The following WDR25 variants were observed in gnomAD, a reference collection of about 807,000 sequenced individuals.
WDR25 encodes the protein WD repeat-containing protein 25.
A neutral mutation model predicts 47.7 loss-of-function variants in WDR25; 35 were observed. That is an observed-to-expected ratio of 0.73 (90% CI 0.56 to 0.97). The LOEUF is 0.97. Ranked by LOEUF, WDR25 falls within the 50% of genes least tolerant of loss-of-function variation. The pLI is 0.00. For missense variants in WDR25, 634 were observed against 704.7 expected (o/e 0.90, Z 1.14); for synonymous variants, 248 against 278.9 (o/e 0.89, Z 1.10).
At chr14:100,514,029 G>A (rs538612291) in intron 4 of WDR25, among the ~76,000 whole-genome samples, 17 of 151,010 alleles carry the variant, frequency 1.1e-4, no homozygotes, top group Non-Finnish European at 1.8e-4. Flanking sequence ...TCCGCCTCCC[G>A]GGTTCACGCC....
chr14:100,423,423 C>T (rs1480569424), intron 2 of WDR25, among the ~76,000 whole-genome samples: 1 of 152,206 alleles, frequency 6.6e-6, no homozygotes, highest in African/African-American at 2.4e-5. Flanking sequence ...ATTAGTCAGA[C>T]ACACCTTATT....
chr14:100,517,271 G>A (rs945816167), intron 4 of WDR25, among the ~76,000 whole-genome samples: 4 of 151,700 alleles, frequency 2.6e-5, no homozygotes, highest in Non-Finnish European at 4.4e-5. Flanking sequence ...TAGAGATGGG[G>A]TTTCACCGTG....
In WDR25 at chr14:100,529,924, C is replaced by T. The variant is rs753602962; in HGVS notation, c.1518C>T (p.Ser506=). Residue 506 remains serine (S), a synonymous_variant, in exon 7 of 7, where the codon AGC becomes AGT. Coordinates refer to ENST00000402312, the MANE Select transcript of WDR25 (RefSeq NM_001161476.3). This position sits in a 1 kb window ranked among gnomAD's most constrained non-coding sequence, Gnocchi z 5.1. ...RVLMYSFRTA[S]RACTLQGHTQ... The stretch of plus-strand genomic sequence containing the variant: ...TGATGTACAGCTTCCGCACAGCCAG[C>T]CGAGCATGCACACTGCAGGGGCACA... 6.2e-7 allele frequency: 1 copy of T among 1,613,504 alleles called. No homozygotes were observed. The highest frequency in any genetic ancestry group is 1.7e-5 in the Admixed American group (1 of 60,032).
At chr14:100,456,002 T>G (rs534028501) in intron 2 of WDR25, among the ~76,000 whole-genome samples, 37 of 152,282 alleles carry the variant, frequency 2.4e-4, no homozygotes, top group African/African-American at 8.2e-4. Context: ...GGGGTATCTT[T>G]GATGGCATCT....
intron 2 of WDR25, among the ~76,000 whole-genome samples, chr14:100,446,286 G>A (rs1898829279): frequency 6.6e-6 from 1 of 152,178 alleles, no homozygotes; most frequent in South Asian, 2.1e-4. Flanking sequence ...TGGTCGTGGT[G>A]GCTCATGCCT....
intron 2 of WDR25, among the ~76,000 whole-genome samples, chr14:100,418,793 C>T (rs1010899415): frequency 1.3e-5 from 2 of 152,068 alleles, no homozygotes; most frequent in African/African-American, 4.8e-5. Flanking sequence ...CACGCCACAC[C>T]TACTCCGGGA....
rs571538565 is a variant in WDR25, at chr14:100,525,519, C to A, written c.1102-351C>A. On this transcript the variant is annotated intron_variant, in intron 4 of 6. Coordinates refer to ENST00000402312, the MANE Select transcript of WDR25 (RefSeq NM_001161476.3). This position sits in a 1 kb window ranked among gnomAD's most constrained non-coding sequence, Gnocchi z 4.6. ...AAGCAGGACCCACTCAAAGCATGACCCCAGTGTTGATGGATGTCAATATGC... is the reference window on the plus strand; with the variant it reads ...AAGCAGGACCCACTCAAAGCATGACACCAGTGTTGATGGATGTCAATATGC... Among the ~76,000 whole-genome samples the A allele has an allele frequency of 1.2e-4, 19 of 152,258 alleles. 2 individuals carry two copies. The highest frequency in any genetic ancestry group is 3.4e-4 in the African/African-American group (14 of 41,538).
intron 2 of WDR25, among the ~76,000 whole-genome samples, chr14:100,438,815 T>G (rs1229438942): frequency 1.3e-5 from 2 of 152,224 alleles, no homozygotes; most frequent in African/African-American, 2.4e-5. Context: ...TTCCCTATTG[T>G]ATATCTGAGG....
intron 2 of WDR25, among the ~76,000 whole-genome samples, chr14:100,441,714 G>A (rs552645823): frequency 1.8e-4 from 28 of 152,218 alleles, no homozygotes; most frequent in African/African-American, 5.5e-4. Flanking sequence ...TCCTACTTTC[G>A]CTTCTGTCAT....
chr14:100,499,900 T>C lies in WDR25; in HGVS notation c.1101+15776T>C, dbSNP rs1309002230. 6.6e-6 allele frequency among the ~76,000 whole-genome samples: 1 copy of C among 152,116 alleles called. No individual in the cohort carries two copies. Among genetic ancestry groups the C allele is most frequent in the African/African-American group, 2.4e-5 (1 of 41,412 alleles). ...CACTGCACACCTGGTGAATGTAGAATTCAGTGTTTGGAGTCAGGTGGGATA... is the reference window on the plus strand; with the variant it reads ...CACTGCACACCTGGTGAATGTAGAACTCAGTGTTTGGAGTCAGGTGGGATA... On this transcript the variant is annotated intron_variant, in intron 4 of 6. Transcript: ENST00000402312. This position sits in a 1 kb window ranked among gnomAD's most constrained non-coding sequence, Gnocchi z 4.4.
intron 2 of WDR25, among the ~76,000 whole-genome samples, chr14:100,403,611 G>A (rs185729743): frequency 6.6e-6 from 1 of 152,290 alleles, no homozygotes; most frequent in East Asian, 1.9e-4. Flanking sequence ...CACAGATACA[G>A]CAACTCTGGT....
intron 4 of WDR25, among the ~76,000 whole-genome samples, chr14:100,521,349 C>T (rs1221509199): frequency 7.2e-5 from 11 of 152,172 alleles, no homozygotes; most frequent in African/African-American, 2.4e-4. Flanking sequence ...AGGTACATTT[C>T]GAGAAATCAT....
intron 2 of WDR25, among the ~76,000 whole-genome samples, chr14:100,459,705 T>C (rs1178341555): frequency 6.6e-6 from 1 of 150,988 alleles, no homozygotes; most frequent in African/African-American, 2.4e-5. Flanking sequence ...AGGAGAGAGG[T>C]CTGGAACAGA....
rs372627481 is a variant in WDR25, at chr14:100,444,370, AG to A, written c.823-23648del. Among the ~76,000 whole-genome samples, 73 of 152,326 alleles carry A rather than the reference AG, an allele frequency of 4.8e-4. No individual in the cohort carries two copies. In the East Asian group the frequency reaches 0.013, roughly 27 times the overall value. On this transcript the variant is annotated intron_variant, in intron 2 of 6. Coordinates refer to ENST00000402312, the MANE Select transcript of WDR25 (RefSeq NM_001161476.3). Reference sequence around the variant, plus strand: ...CATCCGTGCCACTTAGTTGTGGGTCAGGGAGGCTGCTGCAGGGAACCGCAGG... The same window carrying A: ...CATCCGTGCCACTTAGTTGTGGGTCAGGAGGCTGCTGCAGGGAACCGCAGG...
chr14:100,397,679 G>T (rs1451451183), intron 2 of WDR25, among the ~76,000 whole-genome samples: 2 of 152,206 alleles, frequency 1.3e-5, no homozygotes, highest in Non-Finnish European at 2.9e-5. Context: ...GGTAGCCATT[G>T]CTCAGCAGCA....
At chr14:100,465,323 G>C (rs73349460) in intron 2 of WDR25, among the ~76,000 whole-genome samples, 66 of 152,194 alleles carry the variant, frequency 4.3e-4, no homozygotes, top group African/African-American at 1.6e-3. Context: ...TCTTTATCTT[G>C]GAAAACTGAA....
At chr14:100,457,269 A>G (rs1899235478) in intron 2 of WDR25, among the ~76,000 whole-genome samples, 2 of 152,162 alleles carry the variant, frequency 1.3e-5, no homozygotes, top group Non-Finnish European at 1.5e-5. Context: ...ATTTCTTATA[A>G]CTACTGTTAA....
At chr14:100,484,240 C>G in intron 4 of WDR25, 116 bp downstream of exon 4, 1 of 1,196,428 alleles carries the variant, frequency 8.4e-7, no homozygotes, top group Non-Finnish European at 1.1e-6. Flanking sequence ...ATAATTACCA[C>G]TTAATATTTA....
chr14:100,529,371 C>A lies in WDR25; in HGVS notation c.1413+163C>A. The A allele has an allele frequency of 1.8e-6, 2 of 1,087,582 alleles. No homozygotes were observed. Among genetic ancestry groups the A allele is most frequent in the Non-Finnish European group, 1.3e-6 (1 of 765,596 alleles). The allele number at this position is 1,087,582 out of a possible 1,614,324, so 67.4% of individuals were successfully genotyped here. A position where few individuals can be genotyped will look rare whatever the true frequency, so the allele number is the denominator to read the frequency against. ...CATGTGGCTCACTGTCTCTTCAAGT[C>A]CCTGAACCACATCTGGTCCTCACCC... is the stretch of plus-strand genomic sequence containing the variant. On this transcript the variant is annotated intron_variant, in intron 6 of 6. Coordinates refer to ENST00000402312, the MANE Select transcript of WDR25 (RefSeq NM_001161476.3). This position sits in a 1 kb window ranked among gnomAD's most constrained non-coding sequence, Gnocchi z 5.1.
Sources: allele counts gnomAD v4.1 joint callset (sites outside exome capture counted in the v4.1 genomes callset), GRCh38; gene constraint gnomAD v4.1.1; non-coding constraint Gnocchi (gnomAD v3.1); transcripts MANE v1.5; gene names NCBI Gene and HGNC (gene_info 2026-07-23, HGNC 2026-07-21).